RNLS: variants seen among roughly 807,000 people sequenced by gnomAD.
RNLS encodes renalase, FAD dependent amine oxidase, also known as renalase.
A neutral mutation model predicts 39.8 loss-of-function variants in RNLS; 39 were observed. That is an observed-to-expected ratio of 0.98 (90% CI 0.76 to 1.28). RNLS has a LOEUF of 1.28. Among genes scored for constraint, RNLS ranks in the 50% most tolerant of loss-of-function variants. The pLI is 0.00. For missense variants in RNLS, 410 were observed against 413.3 expected, an observed-to-expected ratio of 0.99 and a Z score of 0.07; for synonymous variants, 147 against 150.7, an observed-to-expected ratio of 0.98 and a Z score of 0.18.
At chr10:88,342,798 G>A (rs1848046888) in intron 5 of RNLS, among the ~76,000 whole-genome samples, 1 of 152,184 alleles carries the variant, frequency 6.6e-6, no homozygotes, top group Admixed American at 6.5e-5. Context: ...AGTATGGGAG[G>A]AAAGAGAGGT....
Position 88,297,376 on chromosome 10 carries a change from C to T in RNLS, c.877-11870G>A, listed in dbSNP as rs189623188. Among the ~76,000 whole-genome samples, 7 of 152,232 alleles carry T rather than the reference C, an allele frequency of 4.6e-5. No individual in the cohort carries two copies. The East Asian group carries it at 1.2e-3, about 25-fold the overall frequency. On this transcript the variant is annotated intron_variant, in intron 6 of 6. Coordinates refer to ENST00000331772, the MANE Select transcript of RNLS (RefSeq NM_001031709.3). Reference sequence around the variant, plus strand: ...ATAGCATGTTTTCTTGTAGGCATGTCGTAGTATTTCATCATGGTTGTAATT... The same window carrying T: ...ATAGCATGTTTTCTTGTAGGCATGTTGTAGTATTTCATCATGGTTGTAATT...
the RNLS span, among the ~76,000 whole-genome samples, chr10:88,206,803 T>G: frequency 6.6e-6 from 1 of 152,080 alleles, no homozygotes; most frequent in Non-Finnish European, 1.5e-5. Context: ...ATCTCAATAC[T>G]TTTGAAAAAG....
chr10:88,345,949 T>C (rs1321797485), intron 5 of RNLS, among the ~76,000 whole-genome samples: 6 of 152,136 alleles, frequency 3.9e-5, no homozygotes, highest in African/African-American at 1.2e-4. Flanking sequence ...ATACTGGTTA[T>C]TTTTTACCAC....
intron 5 of RNLS, among the ~76,000 whole-genome samples, chr10:88,342,740 A>G (rs950803761): frequency 6.6e-6 from 1 of 152,204 alleles, no homozygotes; most frequent in Non-Finnish European, 1.5e-5. Context: ...TTAAACTGAG[A>G]CAGTCTAGGT....
At chr10:88,270,253 C>A (rs1177373339), downstream of RNLS, among the ~76,000 whole-genome samples, 3 of 152,160 alleles carry the variant, frequency 2.0e-5, no homozygotes, top group Non-Finnish European at 2.9e-5. Flanking sequence ...CAAATTAGAC[C>A]TATTTGCACT....
At chr10:88,275,821 G>C (rs988713558) in intron 6 of RNLS, among the ~76,000 whole-genome samples, 6 of 152,114 alleles carry the variant, frequency 3.9e-5, no homozygotes, top group African/African-American at 1.2e-4. Context: ...TTGGGAGGCT[G>C]AGGCAAGAAG....
At chr10:88,203,422 G>GTATA in the RNLS span, among the ~76,000 whole-genome samples, 7 of 89,080 alleles carry the variant, frequency 7.9e-5, 2 homozygotes, top group African/African-American at 2.8e-4. Context: ...ACACGTATGT[G>GTATA]TATATATATA....
the RNLS span, among the ~76,000 whole-genome samples, chr10:88,192,928 T>C: frequency 6.6e-6 from 1 of 152,220 alleles, no homozygotes; most frequent in Non-Finnish European, 1.5e-5. Context: ...AAGTGTATAT[T>C]GACATGGAGT....
intron 4 of RNLS, among the ~76,000 whole-genome samples, chr10:88,479,526 TA>T (rs1272013779): frequency 1.8e-4 from 27 of 152,192 alleles, no homozygotes; most frequent in African/African-American, 5.8e-4. Context: ...ATTAGTCCTC[TA>T]TAAATATTAG....
At chr10:88,337,688 T>C (rs1847605450) in intron 5 of RNLS, among the ~76,000 whole-genome samples, 1 of 152,206 alleles carries the variant, frequency 6.6e-6, no homozygotes, top group African/African-American at 2.4e-5. Flanking sequence ...TGCATGATGT[T>C]GATCGAATCT....
intron 4 of RNLS, among the ~76,000 whole-genome samples, chr10:88,402,022 G>C (rs931653942): frequency 6.6e-6 from 1 of 151,988 alleles, no homozygotes; most frequent in African/African-American, 2.4e-5. Context: ...AATAGGACTG[G>C]AGCAATAAGA....
At chr10:88,543,686 C>A (rs1848158503) in intron 4 of RNLS, among the ~76,000 whole-genome samples, 1 of 152,092 alleles carries the variant, frequency 6.6e-6, no homozygotes, top group South Asian at 2.1e-4. Context: ...AAAATAAAAT[C>A]AACCATAATA....
At chr10:88,391,829 A>G (rs1359277074) in intron 4 of RNLS, among the ~76,000 whole-genome samples, 1 of 152,228 alleles carries the variant, frequency 6.6e-6, no homozygotes, top group Non-Finnish European at 1.5e-5. Context: ...GAATGTCAGT[A>G]AAAACTAAGC....
chr10:88,412,851 T>C (rs1325742580), intron 4 of RNLS, among the ~76,000 whole-genome samples: 1 of 152,194 alleles, frequency 6.6e-6, no homozygotes, highest in Non-Finnish European at 1.5e-5. Flanking sequence ...TAGAATAATA[T>C]CTGGCAAATA....
intron 4 of RNLS, among the ~76,000 whole-genome samples, chr10:88,528,507 C>A (rs1316463844): frequency 6.6e-6 from 1 of 152,048 alleles, no homozygotes; most frequent in South Asian, 2.1e-4. Flanking sequence ...AAGATGTGAG[C>A]TCTGAGGCAG....
At chr10:88,176,780 G>T in the RNLS span, among the ~76,000 whole-genome samples, 1 of 152,128 alleles carries the variant, frequency 6.6e-6, no homozygotes, top group African/African-American at 2.4e-5. Context: ...TGTAGGGACA[G>T]TCTTTTAATT....
At chr10:88,260,150 T>C in the RNLS span, among the ~76,000 whole-genome samples, 1 of 152,182 alleles carries the variant, frequency 6.6e-6, no homozygotes, top group Non-Finnish European at 1.5e-5. Context: ...TCTCTGCCTG[T>C]GACCAATCCC....
chr10:88,473,239 C>T (rs1377025394), intron 4 of RNLS, among the ~76,000 whole-genome samples: 3 of 152,092 alleles, frequency 2.0e-5, no homozygotes, highest in African/African-American at 7.2e-5. Context: ...TTGACTGAAA[C>T]ACCATTATGT....
Position 88,518,644 on chromosome 10 carries a change from C to A in RNLS, c.526+54259G>T, listed in dbSNP as rs186910586. Among the ~76,000 whole-genome samples the A allele has an allele frequency of 2.2e-3, 334 of 152,014 alleles. 1 individual carries two copies. Among genetic ancestry groups the A allele is most frequent in the African/African-American group, 7.7e-3 (320 of 41,522 alleles). On this transcript the variant is annotated intron_variant, in intron 4 of 6. Transcript: ENST00000331772. ...TACAAACAGATGGAAAGCTAAAGTCCAGGGTAAACCTGGGATGCTTAAGCA... is the reference window on the plus strand; with the variant it reads ...TACAAACAGATGGAAAGCTAAAGTCAAGGGTAAACCTGGGATGCTTAAGCA...
Sources: gnomAD v4.1 joint callset for allele counts (sites outside exome capture counted in the v4.1 genomes callset) on GRCh38, gnomAD v4.1.1 for gene constraint, MANE v1.5 for transcripts, NCBI Gene and HGNC (gene_info 2026-07-23, HGNC 2026-07-21) for gene names.